Variants in DICER1 observed in about 807,000 individuals in gnomAD.
DICER1 encodes endoribonuclease Dicer.
A neutral mutation model predicts 194.1 loss-of-function variants in DICER1; 43 were observed. That is an observed-to-expected ratio of 0.22 (90% CI 0.17 to 0.29). The LOEUF (loss-of-function observed/expected upper bound fraction) is 0.29. Among genes scored for constraint, DICER1 ranks in the 10% least tolerant of loss-of-function variants. The probability of loss-of-function intolerance (pLI) is 1.00; values close to 1 mark genes in which losing one functional copy is unlikely to be tolerated. For missense variants in DICER1, 1,608 were observed against 2,317.0 expected, an observed-to-expected ratio of 0.69 and a Z score of 6.28; for synonymous variants, 832 against 820.5, an observed-to-expected ratio of 1.01 and a Z score of -0.24.
At chr14:95,144,950 T>G (rs576554640) in intron 1 of DICER1, among the ~76,000 whole-genome samples, 1 of 152,280 alleles carries the variant, frequency 6.6e-6, no homozygotes, top group African/African-American at 2.4e-5. Flanking sequence ...AAACAAACCT[T>G]AATAAATAAA....
At chr14:95,118,717 G>A (rs1892699907) in intron 8 of DICER1, among the ~76,000 whole-genome samples, 1 of 152,022 alleles carries the variant, frequency 6.6e-6, no homozygotes, top group African/African-American at 2.4e-5. Context: ...TGATATAAGC[G>A]ATTCCACATG....
At position 95,132,304 on chromosome 14, in the gene DICER1, A is replaced by G. The variant is rs1284215587; in HGVS notation, c.307+211T>C. Among the ~76,000 whole-genome samples, 3 of 152,244 alleles carry G rather than the reference A, an allele frequency of 2.0e-5. No homozygotes were observed. The East Asian group carries it at 5.8e-4, about 29-fold the overall frequency. ...GTTCCAATACTTATGTTCCAAAAGC[A>G]ATCCATTCAAAAGAAATACAGAAGC... On this transcript the variant is annotated intron_variant, in intron 3 of 26. Transcript: ENST00000343455.
intron 4 of DICER1, 82 bp downstream of exon 4, chr14:95,131,427 C>A: frequency 1.5e-6 from 2 of 1,378,088 alleles, no homozygotes; most frequent in Non-Finnish European, 1.0e-6. Flanking sequence ...CTAAATCAGA[C>A]AACCAAGGCT....
intron 22 of DICER1, 58 bp from the exon 23 acceptor site, chr14:95,096,771 T>C: frequency 5.2e-6 from 8 of 1,534,004 alleles, no homozygotes; most frequent in East Asian, 2.4e-5. Flanking sequence ...TTAAAAGGGT[T>C]TGAAACTCAA....
rs562592391 is a variant in DICER1 at position 95,133,166 on chromosome 14, A to G, written c.144+149T>C. 4.6e-5 allele frequency: 36 copies of G among 787,568 alleles called. No homozygotes were observed. In the South Asian group the frequency reaches 5.5e-4, roughly 12 times the overall value. 48.8% of individuals were successfully genotyped at this position (787,568 alleles called of 1,614,324 possible). ...GCAGATGTTAGAAAAGAAAAGGACT[A>G]TTAAGAATAAAAGTATTTTAAATGA... On this transcript the variant is annotated intron_variant, in intron 2 of 26. Coordinates refer to ENST00000343455, the MANE Select transcript of DICER1 (RefSeq NM_177438.3).
rs958992966 is a variant in DICER1 at position 95,087,088 on chromosome 14, G to C, written c.*3410C>G. 2.6e-5 allele frequency: 6 copies of C among 233,060 alleles called. No individual in the cohort carries two copies. Among genetic ancestry groups the C allele is most frequent in the Non-Finnish European group, 4.2e-5 (5 of 117,800 alleles). 14.4% of individuals were successfully genotyped at this position (233,060 alleles called of 1,614,324 possible). On this transcript the variant is annotated 3_prime_UTR_variant, in exon 27 of 27. Coordinates refer to ENST00000343455, the MANE Select transcript of DICER1 (RefSeq NM_177438.3). Reference sequence around the variant, plus strand: ...GGGGCCTTGTGCATGAACTGCGCTCGATCTGGATTCCAGTGATCCTCTGCA... The same window carrying C: ...GGGGCCTTGTGCATGAACTGCGCTCCATCTGGATTCCAGTGATCCTCTGCA...
In DICER1 at chr14:95,086,594, T is replaced by TG; in HGVS notation, c.*3903dup. On this transcript the variant is annotated 3_prime_UTR_variant, in exon 27 of 27. Coordinates refer to ENST00000343455, the MANE Select transcript of DICER1 (RefSeq NM_177438.3). ...TCTGTGGTTGATGTCCAAATAAAAA[T>TG]GGACTAGAAAAAAAGAAGTAATGAT... The TG allele has an allele frequency of 4.3e-6, 1 of 233,308 alleles. No individual in the cohort carries two copies. Among genetic ancestry groups the TG allele is most frequent in the East Asian group, 6.1e-5 (1 of 16,452 alleles). 14.5% of individuals were successfully genotyped at this position (233,308 alleles called of 1,614,324 possible). A position where few individuals can be genotyped will look rare whatever the true frequency, so the allele number is the denominator to read the frequency against.
rs557837183 is a variant in DICER1, at chr14:95,135,286, T to C, written c.-45-1783A>G. On this transcript the variant is annotated intron_variant, in intron 1 of 26. Transcript: ENST00000343455. The stretch of plus-strand genomic sequence containing the variant: ...AACCCAAATGCTAATCCTAGACTTA[T>C]TGAAGACATGGTAGAAGGTACCAAG... 1.2e-4 allele frequency among the ~76,000 whole-genome samples: 18 copies of C among 152,292 alleles called. No homozygotes were observed. The East Asian group carries it at 2.7e-3, about 23-fold the overall frequency.
At chr14:95,097,194 C>T (rs1445473353) in intron 22 of DICER1, among the ~76,000 whole-genome samples, 2 of 152,020 alleles carry the variant, frequency 1.3e-5, no homozygotes. Flanking sequence ...ATTACCTTTG[C>T]AATTAAGAAT....
At chr14:95,102,748 C>T (rs1326940813) in intron 21 of DICER1, among the ~76,000 whole-genome samples, 1 of 152,136 alleles carries the variant, frequency 6.6e-6, no homozygotes, top group Non-Finnish European at 1.5e-5. Context: ...AGTCTTAGTC[C>T]ATGCTGAGTT....
chr14:95,129,628 C>A lies in DICER1; in HGVS notation c.578G>T (p.Cys193Phe). Residue 193 changes from cysteine to phenylalanine, a missense_variant, in exon 6 of 27, where the codon TGT becomes TTT. This residue lies in a region of DICER1 where 657 missense variants were observed against 910.1 expected (regional missense o/e 0.72). Transcript: ENST00000343455. ...DHPYREIMKL[C>F]ENCPSCPRIL... is the part of the protein sequence containing the mutation. ...GCGAGGACATGATGGACAATTTTCA[C>A]AGAGCTAACATAATAAAAGATACTG... 6.2e-7 allele frequency: 1 copy of A among 1,610,892 alleles called. No individual in the cohort carries two copies. The highest frequency in any genetic ancestry group is 8.5e-7 in the Non-Finnish European group (1 of 1,179,706).
intron 14 of DICER1, among the ~76,000 whole-genome samples, chr14:95,109,132 G>A (rs541230252): frequency 2.0e-5 from 3 of 152,136 alleles, no homozygotes; most frequent in Non-Finnish European, 4.4e-5. Flanking sequence ...GAGAATATCT[G>A]TCCGAGTCAA....
intron 21 of DICER1, among the ~76,000 whole-genome samples, chr14:95,100,783 G>A (rs550205721): frequency 1.3e-5 from 2 of 152,132 alleles, no homozygotes; most frequent in South Asian, 4.1e-4. Context: ...TTGTTTAATA[G>A]ACACCCCCCA....
chr14:95,095,090 C>A (rs1280532175), intron 23 of DICER1, among the ~76,000 whole-genome samples: 1 of 152,196 alleles, frequency 6.6e-6, no homozygotes, highest in African/African-American at 2.4e-5. Context: ...ATCACCTTAA[C>A]CTACGCTGCT....
chr14:95,107,092 T>C (rs1428873211), intron 17 of DICER1, among the ~76,000 whole-genome samples: 1 of 152,144 alleles, frequency 6.6e-6, no homozygotes, highest in Admixed American at 6.5e-5. Flanking sequence ...CACAGCTTAC[T>C]GCACAGCCTA....
At chr14:95,093,062 A>C (rs1889987963) in intron 24 of DICER1, among the ~76,000 whole-genome samples, 2 of 152,220 alleles carry the variant, frequency 1.3e-5, no homozygotes, top group African/African-American at 4.8e-5. Context: ...TGTCATAGAA[A>C]GTCACTACTC....
chr14:95,107,869 T>A lies in DICER1; in HGVS notation c.2650+11A>T, dbSNP rs1050675097. 2 of 1,611,464 alleles carry A rather than the reference T, an allele frequency of 1.2e-6. No homozygotes were observed. Among genetic ancestry groups the A allele is most frequent in the South Asian group, 2.2e-5 (2 of 91,012 alleles). On this transcript the variant is annotated intron_variant, in intron 16 of 26. Transcript: ENST00000343455. Reference sequence around the variant, plus strand: ...GTCTAGAGTTATCAAAGTAAGAGATTTTTTTCTTACCAACATTAAGAGGTA... The same window carrying A: ...GTCTAGAGTTATCAAAGTAAGAGATATTTTTCTTACCAACATTAAGAGGTA...
intron 2 of DICER1, 61 bp from the exon 3 acceptor site, chr14:95,132,738 T>C: frequency 1.3e-6 from 2 of 1,512,280 alleles, no homozygotes; most frequent in South Asian, 1.1e-5. Flanking sequence ...TTTATAAAAT[T>C]GGATTTTATT....
At chr14:95,137,883 G>T (rs1313737539) in intron 1 of DICER1, 1 of 154,668 alleles carries the variant, frequency 6.5e-6, no homozygotes, top group Admixed American at 6.5e-5. Flanking sequence ...AATCTGGACA[G>T]TTCTTCCTCG....
Sources: gnomAD v4.1 joint callset for allele counts (sites outside exome capture counted in the v4.1 genomes callset) on GRCh38, gnomAD v4.1.1 for gene constraint, gnomAD v4.1.1 regional missense constraint, MANE v1.5 for transcripts, NCBI Gene and HGNC (gene_info 2026-07-23, HGNC 2026-07-21) for gene names.